Variants in KANSL1 observed in about 807,000 individuals in gnomAD.
KANSL1 encodes MLL1/MLL complex subunit KANSL1.
KANSL1 carries 22 observed loss-of-function variants against 103.6 expected under a neutral mutation model. That is an observed-to-expected ratio of 0.21 (90% CI 0.15 to 0.30). KANSL1 has a LOEUF of 0.30. KANSL1 is among the 10% of genes least tolerant of loss of function. The pLI, the probability that KANSL1 is intolerant of heterozygous loss-of-function variation, is 1.00. For missense variants in KANSL1, 1,337 were observed against 1,399.8 expected (o/e 0.96, Z 0.72); for synonymous variants, 600 against 527.6 (o/e 1.14, Z -1.88).
At chr17:46,081,138 T>C (rs994760447) in intron 4 of KANSL1, among the ~76,000 whole-genome samples, 1 of 152,232 alleles carries the variant, frequency 6.6e-6, no homozygotes, top group Non-Finnish European at 1.5e-5. Flanking sequence ...AGGACTGTTA[T>C]GCCCTGTCCT....
At chr17:46,123,001 G>A (rs2043351261) in intron 2 of KANSL1, among the ~76,000 whole-genome samples, 1 of 152,222 alleles carries the variant, frequency 6.6e-6, no homozygotes, top group Non-Finnish European at 1.5e-5. Context: ...TCAAGTGGAA[G>A]AGTCTACAGC....
upstream of KANSL1, chr17:46,193,565 C>A: frequency 6.5e-6 from 1 of 153,068 alleles, no homozygotes; most frequent in South Asian, 1.9e-4. Context: ...GCGCCGCCCC[C>A]GCGGGCCGCC....
At chr17:46,086,844 G>C (rs1441617336) in intron 3 of KANSL1, among the ~76,000 whole-genome samples, 6 of 152,232 alleles carry the variant, frequency 3.9e-5, no homozygotes, top group African/African-American at 1.4e-4. Flanking sequence ...TGTAGTTCCA[G>C]ATATTCAGGA....
At chr17:46,164,148 A>G (rs927847039) in intron 2 of KANSL1, among the ~76,000 whole-genome samples, 1 of 152,272 alleles carries the variant, frequency 6.6e-6, no homozygotes, top group Non-Finnish European at 1.5e-5. Context: ...TACTTACTCC[A>G]TAAGTACTTA....
At chr17:46,068,577 A>G (rs1198876791) in intron 4 of KANSL1, among the ~76,000 whole-genome samples, 1 of 152,070 alleles carries the variant, frequency 6.6e-6, no homozygotes, top group Admixed American at 6.5e-5. Flanking sequence ...TCAATGAATA[A>G]ATAAATAAAT....
chr17:46,032,434 T>G (rs2077037363), intron 13 of KANSL1, 135 bp from the exon 14 acceptor site: 2 of 644,366 alleles, frequency 3.1e-6, no homozygotes, highest in South Asian at 4.8e-5. Context: ...ATCCAGCAAC[T>G]CCCATTTCTT....
chr17:46,108,101 A>G (rs2042649554), intron 2 of KANSL1, among the ~76,000 whole-genome samples: 1 of 152,178 alleles, frequency 6.6e-6, no homozygotes, highest in African/African-American at 2.4e-5. Context: ...TATTGTATAA[A>G]AGGATAAGTT....
intron 2 of KANSL1, among the ~76,000 whole-genome samples, chr17:46,104,901 T>C (rs11652924): frequency 0.54 from 81,129 of 151,054 alleles, 22,023 homozygotes; most frequent in East Asian, 0.89. Context: ...CTGCAACCTC[T>C]GCTTCCCAGG....
chr17:46,096,808 G>A lies in KANSL1; in HGVS notation c.1290-2107C>T, dbSNP rs532608399. On this transcript the variant is annotated intron_variant, in intron 2 of 14. Coordinates refer to ENST00000432791, the MANE Select transcript of KANSL1 (RefSeq NM_015443.4). ...TAATTTTTGTATTTTTAGTAGAGAC[G>A]GGGTTTCACTGTGTTAGCCAGGATG... Among the ~76,000 whole-genome samples, 32 of 151,994 alleles carry A rather than the reference G, an allele frequency of 2.1e-4. No individual in the cohort carries two copies. The East Asian group carries it at 5.6e-3, about 27-fold the overall frequency.
Sources: allele counts gnomAD v4.1 joint callset (sites outside exome capture counted in the v4.1 genomes callset), GRCh38; gene constraint gnomAD v4.1.1; transcripts MANE v1.5; gene names NCBI Gene and HGNC (gene_info 2026-07-23, HGNC 2026-07-21).